PDHB: variants seen among roughly 807,000 people sequenced by gnomAD.
PDHB encodes pyruvate dehydrogenase E1 component subunit beta, mitochondrial.
In PDHB, 17 loss-of-function variants were observed where a neutral mutation model predicts 42.8. That is an observed-to-expected ratio of 0.40 (90% CI 0.27 to 0.60). PDHB has a LOEUF of 0.60. Ranked by LOEUF, PDHB falls within the 20% of genes least tolerant of loss-of-function variation. The pLI is 0.46. For missense variants in PDHB, 322 were observed against 451.3 expected (o/e 0.71, Z 2.60); for synonymous variants, 154 against 148.7 (o/e 1.04, Z -0.26).
At position 58,428,143 on chromosome 3, in the gene PDHB, C is replaced by T. The variant is rs778741789; in HGVS notation, c.971G>A (p.Arg324His). 8.1e-6 allele frequency: 13 copies of T among 1,613,784 alleles called. No individual in the cohort carries two copies. Among genetic ancestry groups the T allele is most frequent in the Admixed American group, 1.7e-5 (1 of 60,030 alleles). The change falls in exon 10 of 10, where the codon CGT becomes CAT. Residue 324 changes from arginine to histidine, a missense_variant. Coordinates refer to ENST00000302746, the MANE Select transcript of PDHB (RefSeq NM_000925.4). Reference sequence around the variant, plus strand: ...CATAGGGACATCAGCACCAGTGACACGAACAGCAGGAGCATCCAGGAAATT... The same window carrying T: ...CATAGGGACATCAGCACCAGTGACATGAACAGCAGGAGCATCCAGGAAATT... ...AFNFLDAPAV[R>H]VTGADVPMPY... is the part of the protein sequence containing the mutation.
At chr3:58,433,743 A>C in intron 1 of PDHB, 25 bp downstream of exon 1, 1 of 1,612,450 alleles carries the variant, frequency 6.2e-7, no homozygotes, top group Non-Finnish European at 8.5e-7. Flanking sequence ...TCGCGTGGGA[A>C]TACAGGCCGC....
Position 58,427,704 on chromosome 3 carries a change from CAT to C in PDHB, c.*328_*329del, listed in dbSNP as rs1219751824. 2 of 444,050 alleles carry C rather than the reference CAT, an allele frequency of 4.5e-6. No homozygotes were observed. The highest frequency in any genetic ancestry group is 2.0e-5 in the African/African-American group (1 of 49,614). The allele number at this position is 444,050 out of a possible 1,614,324, so 27.5% of individuals were successfully genotyped here. A position where few individuals can be genotyped will look rare whatever the true frequency, so the allele number is the denominator to read the frequency against. ...GTATATTATATGCTTTAATTTTATA[CAT>C]ATAAGTTATCTTGTTTGGATACATC... On this transcript the variant is annotated 3_prime_UTR_variant, in exon 10 of 10. Transcript: ENST00000302746.
rs2062915908 is a variant in PDHB at position 58,431,063 on chromosome 3, T to C, written c.304-121A>G. ...TTTTATTTTTTATTTTTATTTTTTA[T>C]GGACAGGGTCTCACTGTCACCCATG... On this transcript the variant is annotated intron_variant, in intron 5 of 9. Coordinates refer to ENST00000302746, the MANE Select transcript of PDHB (RefSeq NM_000925.4). This position sits in a 1 kb window ranked among gnomAD's most constrained non-coding sequence, Gnocchi z 4.4. The C allele has an allele frequency of 9.6e-7, 1 of 1,043,274 alleles. No individual in the cohort carries two copies. The highest frequency in any genetic ancestry group is 1.4e-6 in the Non-Finnish European group (1 of 690,848). The allele number at this position is 1,043,274 out of a possible 1,614,324, so 64.6% of individuals were successfully genotyped here.
chr3:58,431,773 C>T lies in PDHB; in HGVS notation c.225G>A (p.Lys75=). 6.2e-7 allele frequency: 1 copy of T among 1,613,892 alleles called. No individual in the cohort carries two copies. Among genetic ancestry groups the T allele is most frequent in the South Asian group, 1.1e-5 (1 of 91,072 alleles). The part of the protein sequence containing the change: ...GAYKVSRGLW[K]KYGDKRIIDT... ...CAATAATCCTCTTGTCTCCATATTTCTTCCACAGCCCTCGACTAACCTACA... is the reference window on the plus strand; with the variant it reads ...CAATAATCCTCTTGTCTCCATATTTTTTCCACAGCCCTCGACTAACCTACA... Residue 75 remains lysine, a synonymous_variant, in exon 4 of 10, where the codon AAG becomes AAA. Transcript: ENST00000302746. The surrounding 1 kb of genome is among the most constrained non-coding windows in gnomAD (Gnocchi z 4.4).
intron 2 of PDHB, 119 bp downstream of exon 2, chr3:58,433,512 T>C: frequency 9.0e-7 from 1 of 1,108,362 alleles, no homozygotes. Context: ...GGATGCTGGC[T>C]CCGCAAACCC....
rs2062916081 is a variant in PDHB at position 58,431,083 on chromosome 3, C to G, written c.304-141G>C. 2.3e-6 allele frequency: 2 copies of G among 858,544 alleles called. No individual in the cohort carries two copies. Among genetic ancestry groups the G allele is most frequent in the African/African-American group, 3.3e-5 (2 of 59,942 alleles). The allele number at this position is 858,544 out of a possible 1,614,324, so 53.2% of individuals were successfully genotyped here. On this transcript the variant is annotated intron_variant, in intron 5 of 9. Coordinates refer to ENST00000302746, the MANE Select transcript of PDHB (RefSeq NM_000925.4). The surrounding 1 kb of genome is among the most constrained non-coding windows in gnomAD (Gnocchi z 4.4). ...TTTTATGGACAGGGTCTCACTGTCA[C>G]CCATGCTGGAGTGCAGTGGCACACA... is the stretch of plus-strand genomic sequence containing the variant.
At chr3:58,428,651 G>A in intron 8 of PDHB, 37 bp from the exon 9 acceptor site, 1 of 1,576,346 alleles carries the variant, frequency 6.3e-7, no homozygotes, top group South Asian at 1.1e-5. Context: ...CAGAGCTATT[G>A]CAGCACAAAT....
At chr3:58,430,618 T>C in intron 6 of PDHB, 39 bp downstream of exon 6, 1 of 1,576,272 alleles carries the variant, frequency 6.3e-7, no homozygotes, top group Non-Finnish European at 8.7e-7. Flanking sequence ...ATTTTAGTTT[T>C]TCAATCTTCA....
intron 2 of PDHB, chr3:58,433,415 T>C (rs1576959167): frequency 1.7e-6 from 1 of 604,316 alleles, no homozygotes; most frequent in South Asian, 2.0e-5. Context: ...GTCTTAGTTT[T>C]CCCCCATTGC....
At chr3:58,428,434 T>C (rs1409403673) in intron 9 of PDHB, 39 bp downstream of exon 9, 4 of 1,605,786 alleles carry the variant, frequency 2.5e-6, no homozygotes, top group Non-Finnish European at 2.6e-6. Flanking sequence ...ATGTTTACTA[T>C]AGCTTGACTG....
chr3:58,433,392 G>C, intron 2 of PDHB: 1 of 598,166 alleles, frequency 1.7e-6, no homozygotes, highest in South Asian at 2.0e-5. Context: ...TGGAGTGAGG[G>C]AGGAAACGCC....
In PDHB at chr3:58,430,912, T is replaced by C. The variant is rs534238658; in HGVS notation, c.334A>G (p.Thr112Ala). The change falls in exon 6 of 10, where the codon ACC (threonine) becomes GCC (alanine). Residue 112 changes from threonine (T) to alanine (A), a missense_variant. Thr to Ala is a moderately conservative substitution (Grantham distance 58). Transcript: ENST00000302746. ...AGLRPICEFM[T>A]FNFSMQAIDQ... is the part of the protein sequence containing the mutation. ...ATGGCTTGCATGGAGAAATTGAAGGTCATAAATTCACAAATGGGCCGCAAC... is the reference window on the plus strand; with the variant it reads ...ATGGCTTGCATGGAGAAATTGAAGGCCATAAATTCACAAATGGGCCGCAAC... 1 of 1,614,132 alleles carries C rather than the reference T, an allele frequency of 6.2e-7. No individual in the cohort carries two copies. Among genetic ancestry groups the C allele is most frequent in the East Asian group, 2.2e-5 (1 of 44,894 alleles).
Position 58,433,567 on chromosome 3 carries a change from C to T in PDHB, c.96+64G>A, listed in dbSNP as rs2062942562. On this transcript the variant is annotated intron_variant, in intron 2 of 9. Transcript: ENST00000302746. Reference sequence around the variant, plus strand: ...GGCCACAGCGCAGGCGCGACTCCGGCCTCCTTCCCGAGAGAAGGGGGGACC... The same window carrying T: ...GGCCACAGCGCAGGCGCGACTCCGGTCTCCTTCCCGAGAGAAGGGGGGACC... The T allele has an allele frequency of 4.6e-6, 7 of 1,536,232 alleles. No individual in the cohort carries two copies. In the South Asian group the frequency reaches 8.3e-5, roughly 18 times the overall value.
At position 58,430,219 on chromosome 3, in the gene PDHB, T is replaced by C; in HGVS notation, c.609A>G (p.Glu203=). Residue 203 remains glutamate (E), a synonymous_variant, in exon 7 of 10, where the codon GAA becomes GAG. Transcript: ENST00000302746. ...ATTCAAAAGGAACCCCATACATCAA[T>C]TCATTCTCTAGCACCACCACTGAAA... ...DNNPVVVLEN[E]LMYGVPFEFP... 5 of 1,607,104 alleles carry C rather than the reference T, an allele frequency of 3.1e-6. No individual in the cohort carries two copies. The highest frequency in any genetic ancestry group is 4.3e-6 in the Non-Finnish European group (5 of 1,174,382).
Position 58,430,732 on chromosome 3 carries a change from A to G in PDHB, c.514T>C (p.Leu172=), listed in dbSNP as rs535839290. 6.2e-7 allele frequency: 1 copy of G among 1,613,998 alleles called. No homozygotes were observed. The highest frequency in any genetic ancestry group is 1.7e-5 in the Admixed American group (1 of 60,032). The part of the protein sequence containing the change: ...FAAWYGHCPG[L]KVVSPWNSED... ...GAATTCCAGGGACTGACCACCTTTA[A>G]GCCTGGGCAGTGCCCATACCAGGCA... The change falls in exon 6 of 10, where the codon TTA becomes CTA. Residue 172 remains leucine (L), a synonymous_variant. Transcript: ENST00000302746.
chr3:58,433,639 C>T lies in PDHB; in HGVS notation c.88G>A (p.Ala30Thr), dbSNP rs758735231. The change falls in exon 2 of 10, where the codon GCG (alanine) becomes ACG (threonine). Residue 30 changes from alanine to threonine, a missense_variant. This residue lies in a region of PDHB where 58 missense variants were observed against 42.1 expected (regional missense o/e 1.38). Coordinates refer to ENST00000302746, the MANE Select transcript of PDHB (RefSeq NM_000925.4). ...GCACCCGCGCCTGTTACCTGCAGCG[C>T]AGCCGGCGCGGTCCAGTGAAAGCGC... is the stretch of plus-strand genomic sequence containing the variant. ...KRRFHWTAPAALQVTVRDAIN... is the reference protein window; with the variant it reads ...KRRFHWTAPATLQVTVRDAIN... 1 of 1,611,230 alleles carries T rather than the reference C, an allele frequency of 6.2e-7. No homozygotes were observed. The highest frequency in any genetic ancestry group is 1.1e-5 in the South Asian group (1 of 90,644).
rs753010923 is a variant in PDHB, at chr3:58,433,627, T to C, written c.96+4A>G. ...CTCGTCCGACGAGCACCCGCGCCTG[T>C]TACCTGCAGCGCAGCCGGCGCGGTC... On this transcript the variant is annotated splice_donor_region_variant and intron_variant, in intron 2 of 9. Coordinates refer to ENST00000302746, the MANE Select transcript of PDHB (RefSeq NM_000925.4). 7 of 1,609,804 alleles carry C rather than the reference T, an allele frequency of 4.3e-6. No homozygotes were observed. Among genetic ancestry groups the C allele is most frequent in the South Asian group, 1.1e-5 (1 of 90,364 alleles).
At position 58,427,829 on chromosome 3, in the gene PDHB, A is replaced by G. The variant is rs756497263; in HGVS notation, c.*205T>C. On this transcript the variant is annotated 3_prime_UTR_variant, in exon 10 of 10. Coordinates refer to ENST00000302746, the MANE Select transcript of PDHB (RefSeq NM_000925.4). ...ATTCAAAGAACATGGCAACCGTAAC[A>G]GACAAAAGGAAGCATGGCATCTAGG... 32 of 645,066 alleles carry G rather than the reference A, an allele frequency of 5.0e-5. No homozygotes were observed. The highest frequency in any genetic ancestry group is 4.8e-4 in the African/African-American group (27 of 56,124). 40.0% of individuals were successfully genotyped at this position (645,066 alleles called of 1,614,324 possible).
At chr3:58,432,275 AAAAG>A (rs2062927068) in intron 2 of PDHB, 1 of 424,688 alleles carries the variant, frequency 2.4e-6, no homozygotes, top group Non-Finnish European at 4.4e-6. Context: ...TCTAGTTAAA[AAAAG>A]GAAGGAGAGG....
Sources: allele counts gnomAD v4.1 joint callset, GRCh38; gene constraint gnomAD v4.1.1; regional missense constraint gnomAD v4.1.1; non-coding constraint Gnocchi (gnomAD v3.1); transcripts MANE v1.5; gene names NCBI Gene and HGNC (gene_info 2026-07-23, HGNC 2026-07-21).